CNGB3: variants seen among roughly 807,000 people sequenced by gnomAD.
CNGB3 encodes cyclic nucleotide gated channel subunit beta 3.
CNGB3 carries 86 observed loss-of-function variants against 92.8 expected under a neutral mutation model. The ratio of observed to expected loss-of-function variants is 0.93; its 90% confidence interval spans 0.78 to 1.11. CNGB3 has a LOEUF of 1.11. Among genes scored for constraint, CNGB3 ranks in the 50% least tolerant of loss-of-function variants. The pLI, the probability that CNGB3 is intolerant of heterozygous loss-of-function variation, is 0.00. For missense variants in CNGB3, 1,026 were observed against 956.8 expected, an observed-to-expected ratio of 1.07 and a Z score of -0.95; for synonymous variants, 333 against 332.7, an observed-to-expected ratio of 1.00 and a Z score of -0.01.
intron 15 of CNGB3, among the ~76,000 whole-genome samples, chr8:86,587,439 T>A (rs1351651009): frequency 6.6e-6 from 1 of 152,176 alleles, no homozygotes; most frequent in Admixed American, 6.5e-5. Context: ...TGGTAATGCC[T>A]AGGTTTTCTT....
At chr8:86,637,955 A>T (rs1327092505) in intron 10 of CNGB3, among the ~76,000 whole-genome samples, 1 of 152,134 alleles carries the variant, frequency 6.6e-6, no homozygotes, top group Middle Eastern at 3.2e-3. Flanking sequence ...CTGTTTTAGA[A>T]TTTCACATAA....
At chr8:86,740,936 A>C (rs770498715) in intron 1 of CNGB3, among the ~76,000 whole-genome samples, 10 of 152,210 alleles carry the variant, frequency 6.6e-5, no homozygotes, top group Non-Finnish European at 1.2e-4. Context: ...TGTTATTCAT[A>C]AATATTTATA....
intron 15 of CNGB3, among the ~76,000 whole-genome samples, chr8:86,596,653 G>A (rs1585958380): frequency 6.6e-6 from 1 of 152,210 alleles, no homozygotes; most frequent in African/African-American, 2.4e-5. Flanking sequence ...CACACATGGT[G>A]TCTAGCAGGA....
chr8:86,678,275 A>AT (rs1317059914), intron 3 of CNGB3, among the ~76,000 whole-genome samples: 3 of 152,278 alleles, frequency 2.0e-5, no homozygotes, highest in East Asian at 1.9e-4. Context: ...CAAAATTATG[A>AT]TTTTTTGCCA....
intron 13 of CNGB3, among the ~76,000 whole-genome samples, chr8:86,613,498 T>C (rs1822558093): frequency 6.6e-6 from 1 of 152,202 alleles, no homozygotes; most frequent in Non-Finnish European, 1.5e-5. Context: ...TTTGTGTCTT[T>C]GATATGGTAA....
chr8:86,739,162 T>G (rs1290740111), intron 2 of CNGB3, among the ~76,000 whole-genome samples: 1 of 152,180 alleles, frequency 6.6e-6, no homozygotes, highest in African/African-American at 2.4e-5. Context: ...GAATCATCCC[T>G]GTAGAATCGA....
At chr8:86,715,045 C>T (rs527394905) in intron 3 of CNGB3, among the ~76,000 whole-genome samples, 1 of 152,194 alleles carries the variant, frequency 6.6e-6, no homozygotes, top group African/African-American at 2.4e-5. Flanking sequence ...ACCTGGTGGT[C>T]TTTCTTTACC....
chr8:86,574,324 T>G lies in CNGB3; in HGVS notation c.*1480A>C, dbSNP rs1821617126. On this transcript the variant is annotated 3_prime_UTR_variant, in exon 18 of 18. Coordinates refer to ENST00000320005, the MANE Select transcript of CNGB3 (RefSeq NM_019098.5). Reference sequence around the variant, plus strand: ...CTATTCTACCTTTTGTTTCTGGGTTTTTAAATCACCCTTTTTATACGCAAT... The same window carrying G: ...CTATTCTACCTTTTGTTTCTGGGTTGTTAAATCACCCTTTTTATACGCAAT... 1 of 152,174 alleles carries G rather than the reference T, an allele frequency of 6.6e-6. No individual in the cohort carries two copies. Among genetic ancestry groups the G allele is most frequent in the South Asian group, 2.1e-4 (1 of 4,828 alleles). The allele number at this position is 152,174 out of a possible 1,614,324, so 9.4% of individuals were successfully genotyped here. A position where few individuals can be genotyped will look rare whatever the true frequency, so the allele number is the denominator to read the frequency against.
chr8:86,719,153 A>G (rs1824918543), intron 3 of CNGB3, among the ~76,000 whole-genome samples: 1 of 152,064 alleles, frequency 6.6e-6, no homozygotes, highest in African/African-American at 2.4e-5. Context: ...TTAACATAGT[A>G]CTGAAAGTCA....
At chr8:86,579,888 G>A (rs1208081481) in intron 15 of CNGB3, among the ~76,000 whole-genome samples, 1 of 152,168 alleles carries the variant, frequency 6.6e-6, no homozygotes, top group Admixed American at 6.5e-5. Context: ...CCTCACTGTA[G>A]TAACAGTTCC....
At chr8:86,664,530 G>T (rs899053440) in intron 6 of CNGB3, among the ~76,000 whole-genome samples, 16 of 152,182 alleles carry the variant, frequency 1.1e-4, no homozygotes, top group African/African-American at 3.6e-4. Flanking sequence ...TGGGGAAGGG[G>T]CTTGGGGTAG....
chr8:86,726,360 T>G (rs549075441), intron 3 of CNGB3, among the ~76,000 whole-genome samples, 171 bp downstream of exon 3: 1 of 152,336 alleles, frequency 6.6e-6, no homozygotes, highest in Non-Finnish European at 1.5e-5. Context: ...TGAGGTACGA[T>G]GAACTGGACA....
Position 86,685,636 on chromosome 8 carries a change from T to A in CNGB3, c.339-14538A>T, listed in dbSNP as rs188991627. 8.3e-4 allele frequency among the ~76,000 whole-genome samples: 127 copies of A among 152,212 alleles called. 1 individual carries two copies. Among genetic ancestry groups the A allele is most frequent in the African/African-American group, 3.0e-3 (125 of 41,528 alleles). Reference sequence around the variant, plus strand: ...GTGGCTTTATTAGGTTCCTTTCAGATGAATGAACTAAAGCCCAGTCTATCT... The same window carrying A: ...GTGGCTTTATTAGGTTCCTTTCAGAAGAATGAACTAAAGCCCAGTCTATCT... On this transcript the variant is annotated intron_variant, in intron 3 of 17. Coordinates refer to ENST00000320005, the MANE Select transcript of CNGB3 (RefSeq NM_019098.5).
At position 86,608,519 on chromosome 8, in the gene CNGB3, G is replaced by T. The variant is rs367761901; in HGVS notation, c.1662+3069C>A. On this transcript the variant is annotated intron_variant, in intron 14 of 17. Transcript: ENST00000320005. Reference sequence around the variant, plus strand: ...CTCTGCTCCTCCACCTCTTGTGGAGGACCTGACATCAGTCAGGCTCACCCG... The same window carrying T: ...CTCTGCTCCTCCACCTCTTGTGGAGTACCTGACATCAGTCAGGCTCACCCG... 7.2e-5 allele frequency among the ~76,000 whole-genome samples: 11 copies of T among 152,316 alleles called. 1 individual carries two copies. The East Asian group carries it at 1.4e-3, about 19-fold the overall frequency.
At chr8:86,631,980 T>C (rs969499428) in intron 11 of CNGB3, among the ~76,000 whole-genome samples, 7 of 152,222 alleles carry the variant, frequency 4.6e-5, no homozygotes, top group African/African-American at 1.7e-4. Context: ...ATATCCCAAC[T>C]GCCTTCTGTA....
chr8:86,739,761 T>C (rs755918002), intron 1 of CNGB3, 25 bp from the exon 2 acceptor site: 13 of 1,611,210 alleles, frequency 8.1e-6, no homozygotes, highest in East Asian at 4.5e-5. Flanking sequence ...ATAGAGATTG[T>C]ATGTGATGAA....
intron 15 of CNGB3, among the ~76,000 whole-genome samples, chr8:86,589,893 C>T (rs199567186): frequency 5.9e-5 from 9 of 151,724 alleles, no homozygotes; most frequent in Middle Eastern, 3.4e-3. Context: ...CTGGGTATCC[C>T]TGTTGACTTT....
chr8:86,673,225 G>A (rs1328177821), intron 3 of CNGB3, among the ~76,000 whole-genome samples: 1 of 152,212 alleles, frequency 6.6e-6, no homozygotes, highest in East Asian at 1.9e-4. Flanking sequence ...AAAGTACTTT[G>A]CTCCACACTG....
rs932823194 is a variant in CNGB3, at chr8:86,579,213, A to T, written c.1821T>A (p.Asn607Lys). The T allele has an allele frequency of 3.7e-6, 6 of 1,614,096 alleles. No individual in the cohort carries two copies. Among genetic ancestry groups the T allele is most frequent in the Non-Finnish European group, 5.1e-6 (6 of 1,180,024 alleles). Residue 607 changes from asparagine to lysine, a missense_variant, in exon 16 of 18, where the codon AAT becomes AAA. Transcript: ENST00000320005. ...AAGGGNRRTA[N>K]VVAHGFANLL... The stretch of plus-strand genomic sequence containing the variant: ...GATTGGCAAACCCGTGGGCCACCAC[A>T]TTGGCAGTTCGACGGTTTCCTCCTC...
Sources: allele counts gnomAD v4.1 joint callset (sites outside exome capture counted in the v4.1 genomes callset), GRCh38; gene constraint gnomAD v4.1.1; transcripts MANE v1.5; gene names NCBI Gene and HGNC (gene_info 2026-07-23, HGNC 2026-07-21).